The following LINGO2 variants were observed in gnomAD, a reference collection of about 807,000 sequenced individuals.
LINGO2 encodes leucine rich repeat and Ig domain containing 2, also known as leucine-rich repeat and immunoglobulin-like domain-containing nogo receptor-interacting protein 2.
LINGO2 carries 14 observed loss-of-function variants against 30.6 expected under a neutral mutation model. That is an observed-to-expected ratio of 0.46 (90% CI 0.30 to 0.72). The LOEUF (loss-of-function observed/expected upper bound fraction) is 0.72, where lower values mean the gene tolerates loss of function less well. Among genes scored for constraint, LINGO2 ranks in the 30% least tolerant of loss-of-function variants. The pLI is 0.07. For synonymous variants in LINGO2, 317 were observed against 288.5 expected, an observed-to-expected ratio of 1.10 and a Z score of -1.00; for missense variants, 729 against 751.7, an observed-to-expected ratio of 0.97 and a Z score of 0.35.
chr9:28,885,358 T>TACACACACACACACAC, the LINGO2 span, among the ~76,000 whole-genome samples: 5 of 142,174 alleles, frequency 3.5e-5, no homozygotes, highest in East Asian at 2.1e-4. Context: ...GATATATATA[T>TACACACACACACACAC]ATACACACAC....
chr9:28,513,503 A>T (rs1318631566), intron 1 of LINGO2, among the ~76,000 whole-genome samples: 2 of 152,232 alleles, frequency 1.3e-5, no homozygotes, highest in Non-Finnish European at 2.9e-5. Flanking sequence ...TGAAAAAGAT[A>T]CAATTATAGA....
At chr9:28,575,514 G>A (rs1021650245) in intron 1 of LINGO2, among the ~76,000 whole-genome samples, 1 of 151,996 alleles carries the variant, frequency 6.6e-6, no homozygotes, top group Non-Finnish European at 1.5e-5. Context: ...TAAACACTGA[G>A]TACACACAGA....
the LINGO2 span, among the ~76,000 whole-genome samples, chr9:28,703,553 A>C: frequency 1.3e-5 from 2 of 151,978 alleles, no homozygotes; most frequent in Admixed American, 1.3e-4. Context: ...TGAGCTTGAA[A>C]AAAACGTGTA....
intron 4 of LINGO2, among the ~76,000 whole-genome samples, chr9:28,169,450 G>A (rs780976461): frequency 2.0e-5 from 3 of 152,068 alleles, no homozygotes; most frequent in Admixed American, 6.6e-5. Context: ...AAGCAAAACC[G>A]GAAGAAAACA....
At chr9:28,265,161 C>G (rs1822702217) in intron 4 of LINGO2, among the ~76,000 whole-genome samples, 1 of 148,084 alleles carries the variant, frequency 6.8e-6, no homozygotes, top group Non-Finnish European at 1.5e-5. Flanking sequence ...TGTATATACA[C>G]AACAACACAA....
At chr9:28,865,775 C>A in the LINGO2 span, among the ~76,000 whole-genome samples, 1 of 150,558 alleles carries the variant, frequency 6.6e-6, no homozygotes, top group Non-Finnish European at 1.5e-5. Context: ...CAGGGAGAGG[C>A]TCTGTCTCAA....
the LINGO2 span, among the ~76,000 whole-genome samples, chr9:28,939,400 C>A: frequency 5.9e-5 from 9 of 152,058 alleles, no homozygotes; most frequent in Non-Finnish European, 1.3e-4. Context: ...TCTGTTTGTG[C>A]CACTTTCTTT....
chr9:28,079,271 C>G (rs1414866358), intron 4 of LINGO2, among the ~76,000 whole-genome samples: 1 of 151,984 alleles, frequency 6.6e-6, no homozygotes, highest in African/African-American at 2.4e-5. Flanking sequence ...ACTTAGCAGG[C>G]AAAAACACCA....
At chr9:28,624,640 T>TC (rs57854518) in intron 1 of LINGO2, among the ~76,000 whole-genome samples, 3 of 151,748 alleles carry the variant, frequency 2.0e-5, no homozygotes, top group African/African-American at 7.3e-5. Flanking sequence ...TCTTTTTTTT[T>TC]AATGTGTCTT....
At chr9:28,534,580 G>A (rs1821355680) in intron 1 of LINGO2, among the ~76,000 whole-genome samples, 1 of 151,956 alleles carries the variant, frequency 6.6e-6, no homozygotes, top group South Asian at 2.1e-4. Flanking sequence ...TTCTTTCTAA[G>A]AAAACTTTCT....
At chr9:28,102,300 AG>A (rs1326191888) in intron 4 of LINGO2, among the ~76,000 whole-genome samples, 5 of 152,102 alleles carry the variant, frequency 3.3e-5, no homozygotes, top group Non-Finnish European at 7.4e-5. Context: ...GTAACTTGGA[AG>A]GCTGAGGTGG....
intron 4 of LINGO2, among the ~76,000 whole-genome samples, chr9:28,287,408 C>A (rs68140462): frequency 0.08 from 12,188 of 152,248 alleles, 598 homozygotes; most frequent in East Asian, 0.19. Context: ...TTTGTGTCTT[C>A]TTTAGGCTCC....
the LINGO2 span, among the ~76,000 whole-genome samples, chr9:29,212,258 G>C: frequency 5.7e-4 from 86 of 151,978 alleles, no homozygotes; most frequent in Non-Finnish European, 9.3e-4. Flanking sequence ...CCCCTGCCGC[G>C]CGGGCTCCGC....
chr9:29,154,401 G>C, the LINGO2 span, among the ~76,000 whole-genome samples: 1 of 144,112 alleles, frequency 6.9e-6, no homozygotes, highest in Non-Finnish European at 1.5e-5. Flanking sequence ...AGTGGGCGGA[G>C]ATCGCGCCAC....
At chr9:28,266,137 G>A (rs533749532) in intron 4 of LINGO2, among the ~76,000 whole-genome samples, 60 of 151,822 alleles carry the variant, frequency 4.0e-4, no homozygotes, top group Non-Finnish European at 7.7e-4. Flanking sequence ...AGATGCTTCC[G>A]AAGTTCTACC....
At chr9:28,284,520 T>A (rs922497167) in intron 4 of LINGO2, among the ~76,000 whole-genome samples, 5 of 152,208 alleles carry the variant, frequency 3.3e-5, no homozygotes, top group African/African-American at 1.2e-4. Context: ...TTTATCATGT[T>A]AAATACAGTT....
At chr9:29,051,391 T>C in the LINGO2 span, among the ~76,000 whole-genome samples, 3 of 152,314 alleles carry the variant, frequency 2.0e-5, no homozygotes, top group Non-Finnish European at 2.9e-5. Flanking sequence ...GTGTTTTCAA[T>C]TGGCTTTTCA....
chr9:28,003,959 AAT>A (rs1822122060), intron 5 of LINGO2, among the ~76,000 whole-genome samples: 1 of 152,314 alleles, frequency 6.6e-6, no homozygotes, highest in Non-Finnish European at 1.5e-5. Flanking sequence ...TTGCTGGTTG[AAT>A]ATTTTTTTAA....
At chr9:29,030,488 T>A in the LINGO2 span, among the ~76,000 whole-genome samples, 1 of 152,188 alleles carries the variant, frequency 6.6e-6, no homozygotes, top group Non-Finnish European at 1.5e-5. Context: ...TTTAATTGCT[T>A]TTTATTCTTA....
Sources: allele counts gnomAD v4.1 joint callset (sites outside exome capture counted in the v4.1 genomes callset), GRCh38; gene constraint gnomAD v4.1.1; transcripts MANE v1.5; gene names NCBI Gene and HGNC (gene_info 2026-07-23, HGNC 2026-07-21).